MAN2C1: variants seen among roughly 807,000 people sequenced by gnomAD.
MAN2C1 encodes mannosidase alpha class 2C member 1, also known as alpha-mannosidase 2C1.
Under a neutral mutation model 126.9 loss-of-function variants are expected in MAN2C1, and 111 were observed. That is an observed-to-expected ratio of 0.87 (90% CI 0.75 to 1.02). MAN2C1 has a LOEUF of 1.02. Ranked by LOEUF, MAN2C1 falls within the 50% of genes least tolerant of loss-of-function variation. The pLI is 0.00. For missense variants in MAN2C1, 1,363 were observed against 1,364.4 expected (o/e 1.00, Z 0.02); for synonymous variants, 567 against 561.5 (o/e 1.01, Z -0.14).
chr15:75,360,566 T>A lies in MAN2C1; in HGVS notation c.1583A>T (p.Gln528Leu), dbSNP rs143478022. The change falls in exon 13 of 26, where the codon CAG (glutamine) becomes CTG (leucine). Residue 528 changes from glutamine to leucine, a missense_variant and splice_region_variant. Gln to Leu is a moderately radical substitution (Grantham distance 113). Transcript: ENST00000267978. ...ACAGCCCTGCAACCTCCCCCTGACC[T>A]GGGCATGGGTGGTGTATGTGCCATT... ...LHNGTYTTHA[Q>L]IKKGNRECER... 3,587 of 1,613,600 alleles carry A rather than the reference T, an allele frequency of 2.2e-3. 12 individuals are homozygous for A. The highest frequency in any genetic ancestry group is 2.7e-3 in the Admixed American group (160 of 60,006).
At chr15:75,365,138 C>A (rs2072549474) in intron 4 of MAN2C1, among the ~76,000 whole-genome samples, 1 of 152,184 alleles carries the variant, frequency 6.6e-6, no homozygotes, top group Non-Finnish European at 1.5e-5. Flanking sequence ...CTTAGGGAGG[C>A]CTTCCTGACT....
Position 75,368,578 on chromosome 15 carries a change from CG to C in MAN2C1, c.5del (p.Ala2GlyfsTer6). The C allele has an allele frequency of 6.5e-7, 1 of 1,542,966 alleles. No individual in the cohort carries two copies. Among genetic ancestry groups the C allele is most frequent in the African/African-American group, 1.4e-5 (1 of 73,070 alleles). On this transcript the variant is annotated frameshift_variant, in exon 1 of 26. Transcript: ENST00000267978. LOFTEE classifies it high-confidence loss of function. M[A>X]AAPALKHWRT... The stretch of plus-strand genomic sequence containing the variant: ...GCCAGTGCTTCAAGGCCGGCGCAGC[CG>C]CCATCGCCGGGCTCTCGCTCCTCTT...
intron 13 of MAN2C1, 32 bp downstream of exon 13, chr15:75,360,533 C>A (rs752665781): frequency 3.7e-6 from 6 of 1,610,396 alleles, no homozygotes; most frequent in South Asian, 1.1e-5. Context: ...AGGGCACACC[C>A]TCCCTGCACA....
In MAN2C1 at chr15:75,359,943, G is replaced by A. The variant is rs370236816; in HGVS notation, c.1752C>T (p.Cys584=). Residue 584 remains cysteine, a synonymous_variant, in exon 15 of 26, where the codon TGC becomes TGT. Coordinates refer to ENST00000267978, the MANE Select transcript of MAN2C1 (RefSeq NM_006715.4). ...TGGCTTCCTCTGCCACCATCTGGAT[G>A]CAGCTTCCAGTCACCACATCATGGA... ...NQFHDVVTGS[C]IQMVAEEAMC... 303 of 1,613,554 alleles carry A rather than the reference G, an allele frequency of 1.9e-4. No individual in the cohort carries two copies. The highest frequency in any genetic ancestry group is 2.5e-4 in the Non-Finnish European group (297 of 1,179,760).
chr15:75,367,399 C>G (rs2072596112), intron 3 of MAN2C1, 112 bp downstream of exon 3: 1 of 1,398,582 alleles, frequency 7.2e-7, no homozygotes, highest in Admixed American at 2.2e-5. Context: ...CTGATACCAC[C>G]CTGTGGGCAG....
Position 75,356,860 on chromosome 15 carries a change from C to G in MAN2C1, c.2590G>C (p.Gly864Arg), listed in dbSNP as rs1187153216. 6.2e-7 allele frequency: 1 copy of G among 1,614,144 alleles called. No individual in the cohort carries two copies. The change falls in exon 22 of 26, where the codon GGG (glycine) becomes CGG (arginine). Residue 864 changes from glycine to arginine, a missense_variant. By Grantham distance (125) the Gly-to-Arg change is moderately radical. Coordinates refer to ENST00000267978, the MANE Select transcript of MAN2C1 (RefSeq NM_006715.4). The surrounding 1 kb of genome is among the most constrained non-coding windows in gnomAD (Gnocchi z 5.8). ...TTGCAGTCGTTGAGCAGGGCCAGCC[C>G]AAAGCCGTGTTCTGACAGATCCATC... ...RWMDLSEHGF[G>R]LALLNDCKYG...
Position 75,358,443 on chromosome 15 carries a change from C to T in MAN2C1, c.2403+19G>A. The T allele has an allele frequency of 6.2e-7, 1 of 1,613,252 alleles. No individual in the cohort carries two copies. On this transcript the variant is annotated intron_variant, in intron 20 of 25. Coordinates refer to ENST00000267978, the MANE Select transcript of MAN2C1 (RefSeq NM_006715.4). ...CAAGCACACTTGGGGAAAACAGCCA[C>T]CCCCTACCCCCCGACTACCTCGGTG...
intron 12 of MAN2C1, 57 bp downstream of exon 12, chr15:75,360,989 A>C (rs1344636035): frequency 6.4e-7 from 1 of 1,559,754 alleles, no homozygotes; most frequent in Non-Finnish European, 8.7e-7. Context: ...GAGGGAAGGC[A>C]GGGCTCATGG....
intron 15 of MAN2C1, 33 bp downstream of exon 15, chr15:75,359,870 G>C (rs2072430750): frequency 6.2e-7 from 1 of 1,611,024 alleles, no homozygotes; most frequent in Admixed American, 1.7e-5. Flanking sequence ...CCCTGGGGTT[G>C]GAGAGAGCAG....
Position 75,359,108 on chromosome 15 carries a change from G to T in MAN2C1, c.2092C>A (p.Leu698Met). The change falls in exon 18 of 26, where the codon CTG (leucine) becomes ATG (methionine). Residue 698 changes from leucine (L) to methionine (M), a missense_variant. Leu to Met is a conservative substitution (Grantham distance 15). This residue lies in a region of MAN2C1 where 668 missense variants were observed against 650.1 expected (regional missense o/e 1.03). Coordinates refer to ENST00000267978, the MANE Select transcript of MAN2C1 (RefSeq NM_006715.4). ...TLDNGIIRVK[L>M]DPTGRLTSLV... Reference sequence around the variant, plus strand: ...GACGTCAGGCGACCAGTTGGGTCCAGCTTCACTCGGATGATGCCATTGTCC... The same window carrying T: ...GACGTCAGGCGACCAGTTGGGTCCATCTTCACTCGGATGATGCCATTGTCC... 2.5e-6 allele frequency: 4 copies of T among 1,614,038 alleles called. No individual in the cohort carries two copies. Among genetic ancestry groups the T allele is most frequent in the Non-Finnish European group, 3.4e-6 (4 of 1,180,034 alleles).
In MAN2C1 at chr15:75,362,392, A is replaced by C. The variant is rs756147363; in HGVS notation, c.959T>G (p.Phe320Cys). The C allele has an allele frequency of 6.2e-7, 1 of 1,613,910 alleles. No homozygotes were observed. The highest frequency in any genetic ancestry group is 1.1e-5 in the South Asian group (1 of 91,084). The change falls in exon 8 of 26, where the codon TTT (phenylalanine) becomes TGT (cysteine). Residue 320 changes from phenylalanine to cysteine, a missense_variant. Coordinates refer to ENST00000267978, the MANE Select transcript of MAN2C1 (RefSeq NM_006715.4). This position sits in a 1 kb window ranked among gnomAD's most constrained non-coding sequence, Gnocchi z 4.5. ...AGGCACAAACTGCCCACGGCACGCA[A>C]ACTCCTGGATGCGGGAGTACAGGCC... ...YPGLYSRIQE[F>C]ACRGQFVPVG...
In MAN2C1 at chr15:75,360,131, G is replaced by A; in HGVS notation, c.1665C>T (p.Ala555=). 6.2e-7 allele frequency: 1 copy of A among 1,613,836 alleles called. No individual in the cohort carries two copies. Among genetic ancestry groups the A allele is most frequent in the African/African-American group, 1.3e-5 (1 of 75,046 alleles). Residue 555 remains alanine, a synonymous_variant, in exon 14 of 26, where the codon GCC becomes GCT. Coordinates refer to ENST00000267978, the MANE Select transcript of MAN2C1 (RefSeq NM_006715.4). ...LLSSLALARS[A]QFLYPAAQLQ... ...GCTGGGCTGCTGGGTATAGGAACTG[G>A]GCACTGCGGGCCAGGGCCAGGCTAC...
rs2072295437 is a variant in MAN2C1 at position 75,356,311 on chromosome 15, G to A, written c.2876C>T (p.Thr959Ile). The change falls in exon 24 of 26, where the codon ACC (threonine) becomes ATC (isoleucine). Residue 959 changes from threonine to isoleucine, a missense_variant. Thr to Ile is a moderately conservative substitution (Grantham distance 89, BLOSUM62 -1). Coordinates refer to ENST00000267978, the MANE Select transcript of MAN2C1 (RefSeq NM_006715.4). The surrounding 1 kb of genome is among the most constrained non-coding windows in gnomAD (Gnocchi z 5.8). ...CGTCCCACCCCTTGCCTGCTTGACG[G>A]TCTCCAATACGACCGCGGGTGAAGA... ...SVSSPAVVLE[T>I]VKQAESSPQR... 3 of 1,611,696 alleles carry A rather than the reference G, an allele frequency of 1.9e-6. No individual in the cohort carries two copies. The highest frequency in any genetic ancestry group is 2.5e-6 in the Non-Finnish European group (3 of 1,179,316).
In MAN2C1 at chr15:75,356,281, C is replaced by A; in HGVS notation, c.2886+20G>T. On this transcript the variant is annotated intron_variant, in intron 24 of 25. Coordinates refer to ENST00000267978, the MANE Select transcript of MAN2C1 (RefSeq NM_006715.4). This position sits in a 1 kb window ranked among gnomAD's most constrained non-coding sequence, Gnocchi z 5.8. ...CAGGCCCAGTTCGGAACCCCGTCCC[C>A]AGCACGTCCCACCCCTTGCCTGCTT... 6.2e-7 allele frequency: 1 copy of A among 1,611,782 alleles called. No homozygotes were observed. Among genetic ancestry groups the A allele is most frequent in the East Asian group, 2.2e-5 (1 of 44,788 alleles).
rs2072375500 is a variant in MAN2C1 at position 75,358,141 on chromosome 15, A to C, written c.2547+60T>G. ...CCTCTTCCTCCCCAGCCTGTTCCAC[A>C]CAAGCAGTCTCCCCAGCCAGGGAGG... On this transcript the variant is annotated intron_variant, in intron 21 of 25. Coordinates refer to ENST00000267978, the MANE Select transcript of MAN2C1 (RefSeq NM_006715.4). 16 of 1,597,288 alleles carry C rather than the reference A, an allele frequency of 1.0e-5. 1 individual carries two copies. Among genetic ancestry groups the C allele is most frequent in the African/African-American group, 5.4e-5 (4 of 74,668 alleles).
chr15:75,362,333 G>C lies in MAN2C1; in HGVS notation c.1008+10C>G. ...ACAGTTCAAGGCTGAGGAGTGCCCA[G>C]TGCACTTACCATCTCCACCCAGGTG... On this transcript the variant is annotated intron_variant, in intron 8 of 25. Coordinates refer to ENST00000267978, the MANE Select transcript of MAN2C1 (RefSeq NM_006715.4). This position sits in a 1 kb window ranked among gnomAD's most constrained non-coding sequence, Gnocchi z 4.5. The C allele has an allele frequency of 6.2e-7, 1 of 1,611,158 alleles. No individual in the cohort carries two copies. The highest frequency in any genetic ancestry group is 8.5e-7 in the Non-Finnish European group (1 of 1,177,620).
Position 75,362,460 on chromosome 15 carries a change from G to A in MAN2C1, c.898-7C>T, listed in dbSNP as rs1160524893. The A allele has an allele frequency of 5.0e-6, 8 of 1,600,338 alleles. No homozygotes were observed. Among genetic ancestry groups the A allele is most frequent in the Non-Finnish European group, 6.0e-6 (7 of 1,173,694 alleles). The stretch of plus-strand genomic sequence containing the variant: ...CCCATTCCAGCTGCTGCGCCTGTGG[G>A]CAGGTTGAAGGGAGCTGGGACCAGA... On this transcript the variant is annotated splice_polypyrimidine_tract_variant and splice_region_variant and intron_variant, in intron 7 of 25. Transcript: ENST00000267978. This position sits in a 1 kb window ranked among gnomAD's most constrained non-coding sequence, Gnocchi z 4.5.
chr15:75,364,799 A>G, intron 4 of MAN2C1, 134 bp from the exon 5 acceptor site: 1 of 693,294 alleles, frequency 1.4e-6, no homozygotes, highest in Non-Finnish European at 2.3e-6. Context: ...AGAGGATCCC[A>G]CAGTGTGACA....
chr15:75,367,836 C>T, intron 2 of MAN2C1: 1 of 855,292 alleles, frequency 1.2e-6, no homozygotes, highest in Non-Finnish European at 1.8e-6. Flanking sequence ...TTCGTGATCC[C>T]TAGGGTGCCC....
Sources: gnomAD v4.1 joint callset for allele counts (sites outside exome capture counted in the v4.1 genomes callset) on GRCh38, gnomAD v4.1.1 for gene constraint, gnomAD v4.1.1 regional missense constraint, Gnocchi (gnomAD v3.1) non-coding constraint, MANE v1.5 for transcripts, NCBI Gene and HGNC (gene_info 2026-07-23, HGNC 2026-07-21) for gene names.